Variants in MAP7D2 observed in about 807,000 individuals in gnomAD.
MAP7D2 encodes the protein MAP7 domain-containing protein 2.
In MAP7D2, 33 loss-of-function variants were observed where a neutral mutation model predicts 63.5. The ratio of observed to expected loss-of-function variants is 0.52; its 90% confidence interval spans 0.39 to 0.70. MAP7D2 has a LOEUF of 0.70. Ranked by LOEUF, MAP7D2 falls within the 30% of genes least tolerant of loss-of-function variation. The probability of loss-of-function intolerance (pLI) is 0.00; values close to 1 mark genes in which losing one functional copy is unlikely to be tolerated. For missense variants in MAP7D2, 626 were observed against 604.0 expected (o/e 1.04, Z -0.38); for synonymous variants, 224 against 223.7 (o/e 1.00, Z -0.01).
chrX:20,034,247 A>C (rs2074141842), intron 8 of MAP7D2, among the ~76,000 whole-genome samples: 1 of 105,157 alleles, frequency 9.5e-6, no homozygotes. Context: ...AAAAAAAAAA[A>C]AAAAACAGAA....
At chrX:20,052,496 T>C (rs758889317) in intron 5 of MAP7D2, 1 of 228,662 alleles carries the variant, frequency 4.4e-6, no homozygotes, top group Non-Finnish European at 8.2e-6. Flanking sequence ...CTATAACTTA[T>C]CAATTCTGCT....
intron 8 of MAP7D2, among the ~76,000 whole-genome samples, chrX:20,027,546 T>C (rs753464769): frequency 1.8e-5 from 2 of 110,742 alleles, no homozygotes; most frequent in Non-Finnish European, 3.8e-5. Flanking sequence ...CTGGCCTCCA[T>C]TCACTAGATG....
intron 1 of MAP7D2, among the ~76,000 whole-genome samples, chrX:20,088,056 A>ATT (rs754137002): frequency 1.0e-5 from 1 of 95,729 alleles, no homozygotes; most frequent in Non-Finnish European, 2.1e-5. Context: ...CGTCCGGCTA[A>ATT]TTTTTTTTTT....
intron 10 of MAP7D2, among the ~76,000 whole-genome samples, chrX:20,022,030 G>T (rs907306521): frequency 1.8e-5 from 2 of 112,200 alleles, no homozygotes; most frequent in Non-Finnish European, 1.9e-5. Context: ...GTAAACAAAT[G>T]AAGCTATGTT....
In MAP7D2 at chrX:20,027,782, G is replaced by C. The variant is rs758728804; in HGVS notation, c.1008-1830C>G. ...GGAGAGAGAGAGAGAGAGAGAGAGAGAGAGAGAGACAGAGACAGACAGAGA... is the reference window on the plus strand; with the variant it reads ...GGAGAGAGAGAGAGAGAGAGAGAGACAGAGAGAGACAGAGACAGACAGAGA... On this transcript the variant is annotated intron_variant, in intron 8 of 16. Transcript: ENST00000379643. 1.2e-4 allele frequency among the ~76,000 whole-genome samples: 13 copies of C among 106,708 alleles called. No individual in the cohort carries two copies. The East Asian group carries it at 2.1e-3, about 17-fold the overall frequency. The allele number at this position is 106,708 out of a possible 115,157, so 92.7% of individuals were successfully genotyped here. A position where few individuals can be genotyped will look rare whatever the true frequency, so the allele number is the denominator to read the frequency against.
At chrX:20,110,322 T>C (rs2066705521) in intron 1 of MAP7D2, among the ~76,000 whole-genome samples, 1 of 109,211 alleles carries the variant, frequency 9.2e-6, no homozygotes, top group African/African-American at 3.3e-5. Flanking sequence ...ACCCGATCTC[T>C]ACTAAAAATA....
At chrX:20,015,136 A>C in intron 12 of MAP7D2, 87 bp downstream of exon 12, 1 of 675,808 alleles carries the variant, frequency 1.5e-6, no homozygotes, top group African/African-American at 2.1e-5. Flanking sequence ...TGACAATCCT[A>C]GGATCATTCT....
intron 1 of MAP7D2, 44 bp downstream of exon 1, chrX:20,116,706 G>C: frequency 1.8e-6 from 2 of 1,125,431 alleles, no homozygotes; most frequent in South Asian, 4.5e-5. Context: ...CCCCCCACAG[G>C]AACCCGAAGC....
chrX:20,072,860 A>C (rs911154103), intron 1 of MAP7D2, among the ~76,000 whole-genome samples: 1 of 112,372 alleles, frequency 8.9e-6, no homozygotes, highest in Non-Finnish European at 1.9e-5. Flanking sequence ...GGGATGGGAG[A>C]CATTGTGAAA....
chrX:20,098,863 T>C (rs924467140), intron 1 of MAP7D2, among the ~76,000 whole-genome samples: 1 of 112,273 alleles, frequency 8.9e-6, no homozygotes, highest in African/African-American at 3.2e-5. Context: ...CAGAGATAAG[T>C]GGATGTCTAA....
chrX:20,076,552 A>G (rs2065648601), intron 1 of MAP7D2, among the ~76,000 whole-genome samples: 1 of 110,514 alleles, frequency 9.0e-6, no homozygotes, highest in Admixed American at 9.7e-5. Context: ...CTAAAAATAC[A>G]AAAATTAGGC....
chrX:20,060,873 T>C (rs1239815808), intron 3 of MAP7D2, among the ~76,000 whole-genome samples: 1 of 110,101 alleles, frequency 9.1e-6, no homozygotes, highest in Non-Finnish European at 1.9e-5. Flanking sequence ...TACCCACTTC[T>C]GCCCTGGCAC....
chrX:20,018,243 G>C (rs2073486187), intron 10 of MAP7D2, among the ~76,000 whole-genome samples: 1 of 110,151 alleles, frequency 9.1e-6, no homozygotes, highest in Admixed American at 9.7e-5. Flanking sequence ...TAGGATTATA[G>C]GCATGAGCCG....
chrX:20,064,847 T>C (rs749629830), intron 1 of MAP7D2, 42 bp from the exon 2 acceptor site: 9 of 1,117,269 alleles, frequency 8.1e-6, no homozygotes, highest in South Asian at 1.8e-5. Context: ...TTCTTCACTC[T>C]TTCCCTATCT....
intron 1 of MAP7D2, among the ~76,000 whole-genome samples, 181 bp from the exon 2 acceptor site, chrX:20,064,986 C>T (rs995692010): frequency 5.3e-5 from 6 of 112,193 alleles, no homozygotes; most frequent in African/African-American, 1.9e-4. Context: ...TGAGGGGCAG[C>T]AGCTACCACT....
intron 1 of MAP7D2, among the ~76,000 whole-genome samples, chrX:20,065,318 A>T (rs2065327783): frequency 9.6e-6 from 1 of 104,664 alleles, no homozygotes; most frequent in African/African-American, 3.5e-5. Flanking sequence ...CTGGGCTGGA[A>T]TGCGGTGGCG....
At chrX:20,010,597 G>A (rs1050961564) in intron 16 of MAP7D2, among the ~76,000 whole-genome samples, 180 bp downstream of exon 16, 4 of 111,913 alleles carry the variant, frequency 3.6e-5, no homozygotes, top group East Asian at 5.5e-4. Flanking sequence ...CTGAAGGCTC[G>A]CAGATGAATT....
chrX:20,021,122 C>T (rs2073624153), intron 10 of MAP7D2, among the ~76,000 whole-genome samples: 2 of 112,427 alleles, frequency 1.8e-5, no homozygotes, highest in South Asian at 3.7e-4. Flanking sequence ...GTGGACCCGG[C>T]GTCTAAGGTT....
intron 1 of MAP7D2, among the ~76,000 whole-genome samples, chrX:20,093,187 T>C (rs1460304314): frequency 8.9e-6 from 1 of 111,983 alleles, no homozygotes; most frequent in African/African-American, 3.2e-5. Context: ...GTTTGTTGGA[T>C]GAATTCCTGC....
Sources: gnomAD v4.1 joint callset for allele counts (sites outside exome capture counted in the v4.1 genomes callset) on GRCh38, gnomAD v4.1.1 for gene constraint, MANE v1.5 for transcripts, NCBI Gene and HGNC (gene_info 2026-07-23, HGNC 2026-07-21) for gene names.